Variants in CPVL observed in about 807,000 individuals in gnomAD.
The protein encoded by CPVL is probable serine carboxypeptidase CPVL.
In CPVL, 51 loss-of-function variants were observed where a neutral mutation model predicts 63.7. The ratio of observed to expected loss-of-function variants is 0.80; its 90% CI spans 0.64 to 1.01. The LOEUF is 1.01. CPVL is among the 50% of genes least tolerant of loss of function. The pLI is 0.00. For missense variants in CPVL, 530 were observed against 573.1 expected (o/e 0.92, Z 0.77); for synonymous variants, 195 against 206.0 (o/e 0.95, Z 0.46).
Position 29,115,309 on chromosome 7 carries a change from T to C in CPVL, c.170-2487A>G, listed in dbSNP as rs11976742. On this transcript the variant is annotated intron_variant, in intron 2 of 12. Coordinates refer to ENST00000265394, the MANE Select transcript of CPVL (RefSeq NM_031311.5). ...CTCAGCCTGGTTCTCCCAGGGAAGA[T>C]TGCTTAATGCAACCTCTGTTGGTCT... is the stretch of plus-strand genomic sequence containing the variant. Among the ~76,000 whole-genome samples the C allele has an allele frequency of 4.6e-3, 702 of 152,252 alleles. 5 individuals carry two copies. The highest frequency in any genetic ancestry group is 0.015 in the African/African-American group (624 of 41,544).
In CPVL at chr7:29,159,576, C is replaced by T. The variant is rs924522337; in HGVS notation, c.-11+21714G>A. 1.4e-4 allele frequency among the ~76,000 whole-genome samples: 21 copies of T among 152,164 alleles called. No homozygotes were observed. The South Asian group carries it at 3.3e-3, about 24-fold the overall frequency. On this transcript the variant is annotated intron_variant, in intron 5 of 16. Transcript: ENST00000409850. ...GAGTGATGAAATGGGGTGGCTAATT[C>T]GAGAAAACCTCTTCCCACACAAGTC... is the stretch of plus-strand genomic sequence containing the variant.
intron 1 of CPVL, among the ~76,000 whole-genome samples, chr7:29,143,420 C>T (rs1241620778): frequency 6.6e-6 from 1 of 152,110 alleles, no homozygotes; most frequent in Non-Finnish European, 1.5e-5. Flanking sequence ...ATTCTTTTGA[C>T]TTTTCTGAAA....
At chr7:29,059,926 T>C (rs1222844486) in intron 11 of CPVL, among the ~76,000 whole-genome samples, 1 of 152,230 alleles carries the variant, frequency 6.6e-6, no homozygotes. Flanking sequence ...CAATTTGCCC[T>C]GTGACCTCAG....
intron 4 of CPVL, among the ~76,000 whole-genome samples, chr7:29,183,822 A>G (rs565580804): frequency 1.3e-5 from 2 of 152,318 alleles, no homozygotes; most frequent in South Asian, 2.1e-4. Flanking sequence ...TCAGCTCTCT[A>G]TATTTGTAGA....
intron 7 of CPVL, among the ~76,000 whole-genome samples, chr7:29,083,141 C>T (rs1784898098): frequency 6.6e-6 from 1 of 151,246 alleles, no homozygotes; most frequent in African/African-American, 2.4e-5. Context: ...TTCCAAATAG[C>T]TTATAAAGAG....
chr7:29,063,772 ATGT>A (rs893388999), intron 11 of CPVL, among the ~76,000 whole-genome samples: 2 of 152,026 alleles, frequency 1.3e-5, no homozygotes, highest in Admixed American at 6.6e-5. Flanking sequence ...AGGTTTCACC[ATGT>A]TGGCCAGGCT....
chr7:29,098,671 A>G lies in CPVL; in HGVS notation c.289-2454T>C, dbSNP rs553891395. ...AATAAGCATGGAAGCTCTTGCCCCA[A>G]ACTGTTTGAATTCAAATCTAGGCTT... is the stretch of plus-strand genomic sequence containing the variant. On this transcript the variant is annotated intron_variant, in intron 3 of 12. Transcript: ENST00000265394. Among the ~76,000 whole-genome samples, 3 of 152,264 alleles carry G rather than the reference A, an allele frequency of 2.0e-5. No homozygotes were observed. The South Asian group carries it at 6.2e-4, about 32-fold the overall frequency.
At chr7:29,187,741 T>G (rs572288776) in intron 1 of CPVL, among the ~76,000 whole-genome samples, 3 of 151,608 alleles carry the variant, frequency 2.0e-5, no homozygotes, top group East Asian at 3.9e-4. Flanking sequence ...AAAATAAAAA[T>G]AAAAAATAAA....
intron 5 of CPVL, among the ~76,000 whole-genome samples, chr7:29,152,833 T>A (rs1279544850): frequency 6.6e-6 from 1 of 152,224 alleles, no homozygotes; most frequent in Non-Finnish European, 1.5e-5. Context: ...CACTCGATCC[T>A]TGTTATTCGT....
At chr7:29,081,071 C>T (rs7788835) in intron 7 of CPVL, among the ~76,000 whole-genome samples, 16,036 of 152,148 alleles carry the variant, frequency 0.11, 1,065 homozygotes, top group Middle Eastern at 0.15. Context: ...GAACAATGGG[C>T]GGTCCCCCTG....
intron 9 of CPVL, 45 bp from the exon 10 acceptor site, chr7:29,066,166 A>G (rs1235890829): frequency 1.0e-6 from 1 of 962,728 alleles, no homozygotes; most frequent in Admixed American, 2.1e-5. Context: ...AGAAAACATC[A>G]GTGTGGATAA....
At chr7:29,050,315 C>A (rs1790017841) in intron 11 of CPVL, among the ~76,000 whole-genome samples, 3 of 151,872 alleles carry the variant, frequency 2.0e-5, no homozygotes, top group Non-Finnish European at 4.4e-5. Flanking sequence ...CTTCTGGATA[C>A]AAGATTAATG....
intron 9 of CPVL, among the ~76,000 whole-genome samples, chr7:29,067,604 T>C (rs538222998): frequency 6.6e-6 from 1 of 152,074 alleles, no homozygotes; most frequent in Admixed American, 6.5e-5. Context: ...AGCAAGAAGA[T>C]GAAGAGAAGA....
intron 1 of CPVL, chr7:29,194,969 T>C (rs906174830): frequency 6.3e-7 from 1 of 1,586,118 alleles, no homozygotes; most frequent in Non-Finnish European, 8.6e-7. Context: ...CTCCAGCCTG[T>C]CCGGCTCGTC....
chr7:29,012,732 T>C (rs1785976555), intron 12 of CPVL: 1 of 152,212 alleles, frequency 6.6e-6, no homozygotes, highest in African/African-American at 2.4e-5. Flanking sequence ...TGAAAGTTTC[T>C]CCAAACATAT....
intron 1 of CPVL, among the ~76,000 whole-genome samples, chr7:29,129,611 G>A (rs323180): frequency 0.079 from 11,957 of 151,848 alleles, 952 homozygotes; most frequent in African/African-American, 0.21. Flanking sequence ...TGGGGCTACA[G>A]GTGTGTGCTA....
chr7:29,133,214 A>C (rs1303659484), intron 1 of CPVL, among the ~76,000 whole-genome samples: 3 of 151,970 alleles, frequency 2.0e-5, no homozygotes, highest in Non-Finnish European at 2.9e-5. Context: ...AAAACAAAAA[A>C]CGCTGTTTTC....
intron 3 of CPVL, among the ~76,000 whole-genome samples, chr7:29,111,858 A>T (rs1274160834): frequency 6.6e-6 from 1 of 152,238 alleles, no homozygotes; most frequent in Non-Finnish European, 1.5e-5. Context: ...CACCCTCCAT[A>T]GGGATAGCTT....
chr7:29,066,421 G>A (rs920189755), intron 9 of CPVL, among the ~76,000 whole-genome samples: 6 of 152,186 alleles, frequency 3.9e-5, no homozygotes, highest in African/African-American at 9.7e-5. Flanking sequence ...GAGTATGTTA[G>A]GGAATGACAA....
Sources: allele counts gnomAD v4.1 joint callset (sites outside exome capture counted in the v4.1 genomes callset), GRCh38; gene constraint gnomAD v4.1.1; transcripts MANE v1.5; gene names NCBI Gene and HGNC (gene_info 2026-07-23, HGNC 2026-07-21).